The following DPP10 variants were observed in gnomAD, a reference collection of about 807,000 sequenced individuals.
DPP10 encodes dipeptidyl peptidase like 10, also known as inactive dipeptidyl peptidase 10.
DPP10 carries 33 observed loss-of-function variants against 120.9 expected under a neutral mutation model. The ratio of observed to expected loss-of-function variants is 0.27; its 90% CI spans 0.21 to 0.37. The LOEUF (loss-of-function observed/expected upper bound fraction) is 0.37, where lower values mean the gene tolerates loss of function less well. Ranked by LOEUF, DPP10 falls within the 10% of genes least tolerant of loss-of-function variation. The pLI is 1.00. For missense variants in DPP10, 816 were observed against 942.8 expected (o/e 0.87, Z 1.76); for synonymous variants, 337 against 326.1 (o/e 1.03, Z -0.36).
At chr2:115,823,155 T>C (rs1031331723) in intron 21 of DPP10, among the ~76,000 whole-genome samples, 2 of 152,118 alleles carry the variant, frequency 1.3e-5, no homozygotes, top group African/African-American at 4.8e-5. Flanking sequence ...GTACTGTTTA[T>C]TTACTTGTAG....
At chr2:114,965,979 A>AG (rs1340729948) in intron 1 of DPP10, among the ~76,000 whole-genome samples, 4 of 140,140 alleles carry the variant, frequency 2.9e-5, no homozygotes, top group Admixed American at 7.0e-5. Flanking sequence ...AAAAAAAAAA[A>AG]AAAAAAAAGA....
chr2:115,787,241 A>G (rs1226639458), intron 17 of DPP10, among the ~76,000 whole-genome samples: 3 of 152,220 alleles, frequency 2.0e-5, no homozygotes, highest in African/African-American at 4.8e-5. Flanking sequence ...AGCTTTGTGA[A>G]GAAAGTAGAA....
chr2:114,467,452 C>T (rs2104595414), intron 1 of DPP10, among the ~76,000 whole-genome samples: 1 of 152,212 alleles, frequency 6.6e-6, no homozygotes, highest in Admixed American at 6.5e-5. Flanking sequence ...ACAACAAATT[C>T]AAAGTTTGAA....
intron 3 of DPP10, among the ~76,000 whole-genome samples, chr2:115,408,774 GA>G (rs771181282): frequency 1.3e-5 from 2 of 152,036 alleles, no homozygotes; most frequent in African/African-American, 2.4e-5. Context: ...AATAAAGATG[GA>G]AACACAAAAT....
At chr2:115,133,141 G>GTATATATATA (rs752180086) in intron 1 of DPP10, among the ~76,000 whole-genome samples, 10 of 35,374 alleles carry the variant, frequency 2.8e-4, no homozygotes, top group African/African-American at 1.0e-3. Flanking sequence ...GTGTGTGTGT[G>GTATATATATA]TGTGTATATA....
intron 2 of DPP10, among the ~76,000 whole-genome samples, chr2:115,330,022 C>T (rs989447828): frequency 6.6e-6 from 1 of 152,170 alleles, no homozygotes; most frequent in African/African-American, 2.4e-5. Flanking sequence ...CACTGTCTGC[C>T]ATAATGGTTG....
intron 1 of DPP10, among the ~76,000 whole-genome samples, chr2:115,030,132 C>A (rs1169568659): frequency 6.6e-6 from 1 of 152,068 alleles, no homozygotes; most frequent in East Asian, 1.9e-4. Flanking sequence ...CCTAGGGAAT[C>A]TCTAGCCAGT....
At chr2:115,313,690 A>G (rs2061674016) in intron 2 of DPP10, among the ~76,000 whole-genome samples, 1 of 152,248 alleles carries the variant, frequency 6.6e-6, no homozygotes, top group African/African-American at 2.4e-5. Context: ...TTATTACAGA[A>G]GTAGTTTGAC....
intron 5 of DPP10, among the ~76,000 whole-genome samples, chr2:115,539,473 A>G (rs543943769): frequency 2.3e-4 from 35 of 152,050 alleles, no homozygotes; most frequent in Middle Eastern, 6.8e-3. Context: ...TGGGTAGATA[A>G]TTGTCCATCA....
At chr2:114,862,225 T>G (rs1689861018) in intron 1 of DPP10, among the ~76,000 whole-genome samples, 1 of 152,006 alleles carries the variant, frequency 6.6e-6, no homozygotes. Flanking sequence ...TTTAAAACTC[T>G]GCAGATACAG....
chr2:114,674,819 G>A (rs534838182), intron 1 of DPP10, among the ~76,000 whole-genome samples: 30 of 152,232 alleles, frequency 2.0e-4, no homozygotes, highest in Admixed American at 5.2e-4. Flanking sequence ...GTGCCCACTG[G>A]GATTTCATCT....
chr2:114,685,918 C>CAT (rs1407259872), intron 1 of DPP10, among the ~76,000 whole-genome samples: 1 of 151,972 alleles, frequency 6.6e-6, no homozygotes, highest in Non-Finnish European at 1.5e-5. Flanking sequence ...TTTTCTAAGG[C>CAT]ATAAATATAG....
At chr2:114,671,552 T>G (rs1403856746) in intron 1 of DPP10, among the ~76,000 whole-genome samples, 2 of 152,146 alleles carry the variant, frequency 1.3e-5, no homozygotes, top group South Asian at 4.1e-4. Flanking sequence ...CCTCACGTAT[T>G]CCTTTATAGA....
chr2:114,858,892 ATGGGATTTATATTGAGT>A (rs1323270186), intron 1 of DPP10, among the ~76,000 whole-genome samples: 1 of 152,180 alleles, frequency 6.6e-6, no homozygotes, highest in Non-Finnish European at 1.5e-5. Context: ...GAGAGCCAGA[ATGGGATTTATATTGAGT>A]TTGTGTGACT....
At chr2:114,936,435 ACATATATACG>A (rs1696483094) in intron 1 of DPP10, among the ~76,000 whole-genome samples, 1 of 151,818 alleles carries the variant, frequency 6.6e-6, no homozygotes, top group Non-Finnish European at 1.5e-5. Context: ...GTATATATAC[ACATATATACG>A]CACATATATA....
At chr2:114,480,836 AC>A (rs1353416985) in intron 1 of DPP10, among the ~76,000 whole-genome samples, 2 of 151,974 alleles carry the variant, frequency 1.3e-5, no homozygotes, top group African/African-American at 4.8e-5. Flanking sequence ...GTGCACATGT[AC>A]CCTAGAACTT....
chr2:115,774,201 AACACACATACACAC>A (rs1177830457), intron 13 of DPP10, among the ~76,000 whole-genome samples: 2 of 76,782 alleles, frequency 2.6e-5, no homozygotes, highest in East Asian at 8.0e-4. Flanking sequence ...TTGTCTTTAA[AACACACATACACAC>A]ACACACACAC....
At chr2:114,482,988 C>T (rs1681193224) in intron 1 of DPP10, among the ~76,000 whole-genome samples, 1 of 152,124 alleles carries the variant, frequency 6.6e-6, no homozygotes, top group Admixed American at 6.6e-5. Flanking sequence ...CAAGTGTAAA[C>T]AAGTTAATGA....
chr2:114,832,052 T>C (rs1351122764), intron 1 of DPP10, among the ~76,000 whole-genome samples: 6 of 152,006 alleles, frequency 3.9e-5, no homozygotes, highest in African/African-American at 1.4e-4. Flanking sequence ...AATTTGTTTT[T>C]GACTAATTAT....
Sources: gnomAD v4.1 joint callset for allele counts (sites outside exome capture counted in the v4.1 genomes callset) on GRCh38, gnomAD v4.1.1 for gene constraint, MANE v1.5 for transcripts, NCBI Gene and HGNC (gene_info 2026-07-23, HGNC 2026-07-21) for gene names.